The following RHOT1 variants were observed in gnomAD, a reference collection of about 807,000 sequenced individuals.
RHOT1 encodes the protein mitochondrial Rho GTPase 1.
A neutral mutation model predicts 95.3 loss-of-function variants in RHOT1; 27 were observed. The ratio of observed to expected loss-of-function variants is 0.28; its 90% confidence interval spans 0.21 to 0.39. The LOEUF (loss-of-function observed/expected upper bound fraction) is 0.39, where lower values mean the gene tolerates loss of function less well. Among genes scored for constraint, RHOT1 ranks in the 10% least tolerant of loss-of-function variants. The probability of loss-of-function intolerance (pLI) is 1.00; values close to 1 mark genes in which losing one functional copy is unlikely to be tolerated. For missense variants in RHOT1, 578 were observed against 786.7 expected (o/e 0.73, Z 3.17); for synonymous variants, 227 against 263.5 (o/e 0.86, Z 1.34).
chr17:32,209,238 C>A, intron 18 of RHOT1: 2 of 499,390 alleles, frequency 4.0e-6, no homozygotes, highest in Admixed American at 3.8e-5. Context: ...TGCAACAAAC[C>A]CTTGAATTTC....
intron 1 of RHOT1, among the ~76,000 whole-genome samples, chr17:32,156,125 T>C (rs1382938268): frequency 6.6e-6 from 1 of 152,240 alleles, no homozygotes; most frequent in Non-Finnish European, 1.5e-5. Context: ...GACCCAACAT[T>C]GGCTTGGTGA....
chr17:32,190,738 A>C (rs1198336250), intron 8 of RHOT1, among the ~76,000 whole-genome samples: 1 of 147,338 alleles, frequency 6.8e-6, no homozygotes, highest in Admixed American at 6.6e-5. Flanking sequence ...AGAATAAATC[A>C]TGTGTGATTA....
intron 19 of RHOT1, among the ~76,000 whole-genome samples, chr17:32,218,996 A>G (rs1221068226): frequency 6.6e-6 from 1 of 152,166 alleles, no homozygotes; most frequent in Non-Finnish European, 1.5e-5. Flanking sequence ...TATCTTAAAA[A>G]TCTATACCTG....
chr17:32,208,083 T>G, intron 17 of RHOT1, 24 bp from the exon 18 acceptor site: 1 of 1,600,144 alleles, frequency 6.2e-7, no homozygotes, highest in East Asian at 2.2e-5. Context: ...TTATCAGATT[T>G]TGATTTCATT....
At chr17:32,203,180 G>C (rs953389713) in intron 15 of RHOT1, among the ~76,000 whole-genome samples, 6 of 149,600 alleles carry the variant, frequency 4.0e-5, no homozygotes, top group African/African-American at 2.5e-5. Flanking sequence ...TAAATGCACA[G>C]TAAATATTTT....
chr17:32,168,656 A>G (rs2142505854), intron 1 of RHOT1, among the ~76,000 whole-genome samples: 1 of 149,904 alleles, frequency 6.7e-6, no homozygotes, highest in Non-Finnish European at 1.5e-5. Flanking sequence ...TTTTATATAT[A>G]CGCCTCATAA....
chr17:32,212,890 C>G (rs1462538036), intron 19 of RHOT1, among the ~76,000 whole-genome samples: 1 of 152,074 alleles, frequency 6.6e-6, no homozygotes, highest in African/African-American at 2.4e-5. Flanking sequence ...GTGAACTTAT[C>G]ATTCCTGGTT....
intron 11 of RHOT1, 80 bp downstream of exon 11, chr17:32,194,187 G>A: frequency 2.1e-6 from 3 of 1,460,458 alleles, no homozygotes; most frequent in Non-Finnish European, 2.8e-6. Context: ...TCCCAGGCTG[G>A]TCTTGAACTC....
At chr17:32,196,226 T>C (rs1057414131) in intron 11 of RHOT1, among the ~76,000 whole-genome samples, 1 of 150,184 alleles carries the variant, frequency 6.7e-6, no homozygotes, top group Non-Finnish European at 1.5e-5. Context: ...CTGTCTGTCA[T>C]TCAGGCTAGA....
chr17:32,165,534 A>G (rs2033998060), intron 1 of RHOT1, among the ~76,000 whole-genome samples: 1 of 151,822 alleles, frequency 6.6e-6, no homozygotes. Context: ...AAAAAAAAAA[A>G]AGTTACTGAT....
Position 32,175,977 on chromosome 17 carries a change from A to G in RHOT1, c.238A>G (p.Ile80Val), listed in dbSNP as rs766167545. The part of the protein sequence containing the change: ...QEISQANVIC[I>V]VYAVNNKHSI... ...TTTCTTCTAGGCTAATGTCATCTGT[A>G]TAGTGTATGCCGTTAACAACAAGCA... The change falls in exon 5 of 20, where the codon ATA becomes GTA. Residue 80 changes from isoleucine (I) to valine (V), a missense_variant. By Grantham distance (29) the Ile-to-Val change is conservative (BLOSUM62 3). Around this residue, in one of 4 missense-constraint regions of RHOT1, gnomAD observed 51 missense variants for 114.7 expected, o/e 0.44. Transcript: ENST00000545287. 7 of 1,596,022 alleles carry G rather than the reference A, an allele frequency of 4.4e-6. No homozygotes were observed. Among genetic ancestry groups the G allele is most frequent in the Non-Finnish European group, 5.1e-6 (6 of 1,173,628 alleles).
intron 16 of RHOT1, 21 bp from the exon 17 acceptor site, chr17:32,206,877 CTTATATTTTTCA>C (rs1350585933): frequency 5.6e-6 from 8 of 1,419,382 alleles, no homozygotes; most frequent in Non-Finnish European, 7.8e-6. Flanking sequence ...TATTATGATA[CTTATATTTTTCA>C]TTATCTTTTT....
chr17:32,184,159 T>C (rs1436945266), intron 8 of RHOT1, among the ~76,000 whole-genome samples: 1 of 152,256 alleles, frequency 6.6e-6, no homozygotes. Context: ...CACAAAGTTA[T>C]GCAATCATCA....
At chr17:32,217,763 A>G (rs960087407) in intron 19 of RHOT1, among the ~76,000 whole-genome samples, 2 of 151,738 alleles carry the variant, frequency 1.3e-5, no homozygotes, top group Non-Finnish European at 2.9e-5. Flanking sequence ...CAAAAAAAAA[A>G]AAAGAAAGAA....
chr17:32,149,503 T>G (rs367689612), intron 1 of RHOT1, among the ~76,000 whole-genome samples: 1 of 146,154 alleles, frequency 6.8e-6, no homozygotes. Flanking sequence ...TTTCATTATC[T>G]TTAGCATAGT....
chr17:32,183,402 G>A, intron 8 of RHOT1, 130 bp downstream of exon 8: 1 of 452,554 alleles, frequency 2.2e-6, no homozygotes, highest in Non-Finnish European at 3.8e-6. Context: ...CTTATTAAAT[G>A]GTTACATTTT....
chr17:32,142,954 C>T (rs2030613005), intron 1 of RHOT1: 1 of 715,282 alleles, frequency 1.4e-6, no homozygotes, highest in Non-Finnish European at 2.6e-6. Flanking sequence ...CCTGGGCCCT[C>T]CAGAGATCTC....
chr17:32,218,111 C>T (rs1295345519), intron 19 of RHOT1, among the ~76,000 whole-genome samples: 2 of 152,106 alleles, frequency 1.3e-5, no homozygotes, highest in Non-Finnish European at 2.9e-5. Flanking sequence ...GATCTGGCTA[C>T]CTCGGCCTCC....
intron 1 of RHOT1, chr17:32,151,016 T>C (rs1171956630): frequency 2.0e-5 from 30 of 1,490,434 alleles, no homozygotes; most frequent in Non-Finnish European, 2.7e-5. Flanking sequence ...AAACCAAACC[T>C]GGGAGTGGGG....
Sources: gnomAD v4.1 joint callset for allele counts (sites outside exome capture counted in the v4.1 genomes callset) on GRCh38, gnomAD v4.1.1 for gene constraint, gnomAD v4.1.1 regional missense constraint, MANE v1.5 for transcripts, NCBI Gene and HGNC (gene_info 2026-07-23, HGNC 2026-07-21) for gene names.